Variants in LRRTM4 observed in about 807,000 individuals in gnomAD.
The protein encoded by LRRTM4 is leucine rich repeat transmembrane neuronal 4, also known as leucine-rich repeat transmembrane neuronal protein 4.
A neutral mutation model predicts 47.6 loss-of-function variants in LRRTM4; 25 were observed. That is an observed-to-expected ratio of 0.53 (90% confidence interval 0.38 to 0.73). The LOEUF is 0.73. Among genes scored for constraint, LRRTM4 ranks in the 30% least tolerant of loss-of-function variants. The probability of loss-of-function intolerance (pLI) is 0.00; values close to 1 mark genes in which losing one functional copy is unlikely to be tolerated. For missense variants in LRRTM4, 638 were observed against 713.4 expected (o/e 0.89, Z 1.20); for synonymous variants, 311 against 269.5 (o/e 1.15, Z -1.51).
chr2:77,463,699 C>A (rs1201725799), intron 3 of LRRTM4, among the ~76,000 whole-genome samples: 13 of 151,962 alleles, frequency 8.6e-5, no homozygotes, highest in African/African-American at 2.9e-4. Flanking sequence ...CTAGTTCAAC[C>A]CCCTTTTTAC....
intron 3 of LRRTM4, among the ~76,000 whole-genome samples, chr2:76,891,232 T>C (rs1267694789): frequency 6.6e-6 from 1 of 151,664 alleles, no homozygotes; most frequent in Non-Finnish European, 1.5e-5. Flanking sequence ...AAAAAATCTT[T>C]AGTTAATTAT....
At chr2:77,467,311 A>T (rs1677018942) in intron 3 of LRRTM4, among the ~76,000 whole-genome samples, 1 of 152,148 alleles carries the variant, frequency 6.6e-6, no homozygotes, top group Admixed American at 6.5e-5. Context: ...AGCAAGACTC[A>T]GCCCCATCCA....
intron 3 of LRRTM4, among the ~76,000 whole-genome samples, chr2:77,329,656 G>A (rs1450852279): frequency 6.6e-6 from 1 of 152,106 alleles, no homozygotes; most frequent in African/African-American, 2.4e-5. Context: ...GTAAGGGAGT[G>A]TCATGCAGGT....
chr2:77,086,479 T>TC (rs1158697651), intron 3 of LRRTM4, among the ~76,000 whole-genome samples: 3 of 149,752 alleles, frequency 2.0e-5, no homozygotes, highest in Non-Finnish European at 4.4e-5. Context: ...TATAATAATT[T>TC]TTTTTTTTTT....
At chr2:77,148,824 T>C (rs147961952) in intron 3 of LRRTM4, among the ~76,000 whole-genome samples, 2 of 152,210 alleles carry the variant, frequency 1.3e-5, no homozygotes, top group African/African-American at 4.8e-5. Context: ...AGTTAGGAAG[T>C]AAAGAAGAAG....
intron 3 of LRRTM4, among the ~76,000 whole-genome samples, chr2:77,019,253 CAAA>C (rs56028060): frequency 5.0e-5 from 4 of 80,562 alleles, no homozygotes; most frequent in Admixed American, 2.8e-4. Context: ...CACTGCTCTA[CAAA>C]AAAAAAAAAA....
intron 3 of LRRTM4, among the ~76,000 whole-genome samples, chr2:77,298,149 G>C (rs1162081165): frequency 6.6e-6 from 1 of 152,182 alleles, no homozygotes; most frequent in African/African-American, 2.4e-5. Flanking sequence ...TTTTATGTCT[G>C]AATCTATTAT....
At chr2:76,800,872 A>G (rs987877503) in intron 3 of LRRTM4, among the ~76,000 whole-genome samples, 1 of 151,108 alleles carries the variant, frequency 6.6e-6, no homozygotes, top group Non-Finnish European at 1.5e-5. Context: ...ATCACTGGCC[A>G]TCAGAAAATG....
chr2:77,131,111 G>C (rs1026942121), intron 3 of LRRTM4, among the ~76,000 whole-genome samples: 5 of 149,662 alleles, frequency 3.3e-5, no homozygotes, highest in African/African-American at 1.2e-4. Context: ...TGGGATTACA[G>C]GCGTCAGCCA....
intron 3 of LRRTM4, among the ~76,000 whole-genome samples, chr2:76,935,368 T>C (rs1259438050): frequency 6.6e-6 from 1 of 152,146 alleles, no homozygotes; most frequent in Non-Finnish European, 1.5e-5. Context: ...TTTAAAGTAG[T>C]TTTTTTCAAT....
intron 3 of LRRTM4, among the ~76,000 whole-genome samples, chr2:76,958,479 CT>C (rs1453121182): frequency 6.6e-6 from 1 of 151,666 alleles, no homozygotes; most frequent in African/African-American, 2.4e-5. Flanking sequence ...AGATAGAACC[CT>C]TTTAAATTTT....
At chr2:76,842,902 T>C (rs1350631213) in intron 3 of LRRTM4, among the ~76,000 whole-genome samples, 2 of 152,182 alleles carry the variant, frequency 1.3e-5, no homozygotes, top group South Asian at 2.1e-4. Context: ...GATCCACCTA[T>C]ATTAGGAGAG....
At chr2:77,426,820 CACA>C (rs1431535068) in intron 3 of LRRTM4, among the ~76,000 whole-genome samples, 2 of 145,080 alleles carry the variant, frequency 1.4e-5, no homozygotes, top group Non-Finnish European at 1.5e-5. Context: ...CACACACACA[CACA>C]CACACATGCA....
At chr2:77,324,225 A>C (rs1670671175) in intron 3 of LRRTM4, among the ~76,000 whole-genome samples, 1 of 152,194 alleles carries the variant, frequency 6.6e-6, no homozygotes, top group Admixed American at 6.5e-5. Flanking sequence ...ATATTTATTA[A>C]GAGCTTAGCT....
rs150413754 is a variant in LRRTM4, at chr2:76,748,660, C to A, written c.*35G>T. The A allele has an allele frequency of 4.6e-5, 66 of 1,446,464 alleles. No individual in the cohort carries two copies. Among genetic ancestry groups the A allele is most frequent in the Admixed American group, 1.7e-4 (10 of 59,676 alleles). 89.6% of individuals were successfully genotyped at this position (1,446,464 alleles called of 1,614,324 possible). On this transcript the variant is annotated 3_prime_UTR_variant, in exon 4 of 4. Coordinates refer to ENST00000409884, the MANE Select transcript of LRRTM4 (RefSeq NM_001134745.3). ...TTAAGATGAAGGCCCTCCCTCCCCC[C>A]CATGGAGCTCCCCAGTGAGGAGTTG...
chr2:77,153,743 C>A (rs1287503027), intron 3 of LRRTM4, among the ~76,000 whole-genome samples: 1 of 152,072 alleles, frequency 6.6e-6, no homozygotes, highest in African/African-American at 2.4e-5. Flanking sequence ...GAAAACATAG[C>A]AAATGCAAAC....
At chr2:76,897,743 T>A (rs1673471966) in intron 3 of LRRTM4, among the ~76,000 whole-genome samples, 1 of 152,178 alleles carries the variant, frequency 6.6e-6, no homozygotes, top group Admixed American at 6.5e-5. Context: ...TCTCCTTCAG[T>A]GACTGGAACT....
intron 3 of LRRTM4, among the ~76,000 whole-genome samples, chr2:76,787,917 AATTAAGTAAAATCTTT>A (rs1674767873): frequency 6.6e-6 from 1 of 152,152 alleles, no homozygotes; most frequent in Non-Finnish European, 1.5e-5. Flanking sequence ...CCTCATTATG[AATTAAGTAAAATCTTT>A]AACATGAATT....
At chr2:76,891,673 A>G (rs1673259705) in intron 3 of LRRTM4, among the ~76,000 whole-genome samples, 1 of 151,838 alleles carries the variant, frequency 6.6e-6, no homozygotes, top group African/African-American at 2.4e-5. Context: ...TTTCATGTGG[A>G]AAAACATGAA....
Sources: gnomAD v4.1 joint callset for allele counts (sites outside exome capture counted in the v4.1 genomes callset) on GRCh38, gnomAD v4.1.1 for gene constraint, MANE v1.5 for transcripts, NCBI Gene and HGNC (gene_info 2026-07-23, HGNC 2026-07-21) for gene names.